CADPS: variants seen among roughly 807,000 people sequenced by gnomAD.
The protein encoded by CADPS is calcium dependent secretion activator.
A neutral mutation model predicts 167.3 loss-of-function variants in CADPS; 57 were observed. The observed-to-expected ratio is 0.34, with a 90% CI of 0.28 to 0.42. The LOEUF is 0.42. CADPS is among the 20% of genes least tolerant of loss of function. The pLI, the probability that CADPS is intolerant of heterozygous loss-of-function variation, is 1.00. For synonymous variants in CADPS, 676 were observed against 635.3 expected (o/e 1.06, Z -0.96); for missense variants, 1,414 against 1,738.1 (o/e 0.81, Z 3.32).
chr3:62,781,963 G>A (rs998108049), intron 1 of CADPS, among the ~76,000 whole-genome samples: 6 of 152,296 alleles, frequency 3.9e-5, no homozygotes, highest in Admixed American at 3.9e-4. Context: ...GTTCTAAGAA[G>A]CTTCTATGAA....
intron 8 of CADPS, among the ~76,000 whole-genome samples, chr3:62,573,133 C>T (rs1027597769): frequency 1.9e-4 from 29 of 152,134 alleles, no homozygotes; most frequent in African/African-American, 5.1e-4. Context: ...CTGGCTGCCT[C>T]GGCCTCCCAA....
chr3:62,554,813 C>A (rs949524558), intron 10 of CADPS, among the ~76,000 whole-genome samples: 1 of 152,182 alleles, frequency 6.6e-6, no homozygotes, highest in Non-Finnish European at 1.5e-5. Context: ...AGTGCAGTGG[C>A]GCAGTCTTGG....
intron 20 of CADPS, 115 bp downstream of exon 20, chr3:62,492,175 A>C: frequency 1.1e-6 from 1 of 885,596 alleles, no homozygotes; most frequent in East Asian, 2.4e-5. Context: ...GTTAATCATA[A>C]TAAAACCATG....
At chr3:62,846,757 G>C (rs548541160) in intron 1 of CADPS, among the ~76,000 whole-genome samples, 4 of 152,254 alleles carry the variant, frequency 2.6e-5, no homozygotes, top group African/African-American at 9.6e-5. Context: ...TCCACCTCCA[G>C]AGTTCGAGCA....
chr3:62,691,764 C>T (rs999196169), intron 3 of CADPS, among the ~76,000 whole-genome samples: 4 of 151,960 alleles, frequency 2.6e-5, no homozygotes, highest in Non-Finnish European at 2.9e-5. Flanking sequence ...GCAACACACA[C>T]TGGGGCCTGT....
At chr3:62,525,944 T>C (rs1394894672) in intron 13 of CADPS, among the ~76,000 whole-genome samples, 1 of 151,978 alleles carries the variant, frequency 6.6e-6, no homozygotes, top group Non-Finnish European at 1.5e-5. Context: ...TAAACTATGG[T>C]AGTGGCATTG....
At chr3:62,700,028 C>G (rs192373376) in intron 3 of CADPS, among the ~76,000 whole-genome samples, 3 of 152,222 alleles carry the variant, frequency 2.0e-5, no homozygotes, top group African/African-American at 7.2e-5. Flanking sequence ...TTGCCAACCC[C>G]TATTCTACAA....
At chr3:62,550,161 G>A (rs1324907842) in intron 10 of CADPS, 46 bp from the exon 11 acceptor site, 7 of 1,477,014 alleles carry the variant, frequency 4.7e-6, no homozygotes, top group Non-Finnish European at 6.6e-6. Context: ...GAGCTGTGAT[G>A]TTCTCAACTG....
intron 3 of CADPS, among the ~76,000 whole-genome samples, chr3:62,681,153 G>C (rs1432778924): frequency 6.6e-6 from 1 of 151,994 alleles, no homozygotes; most frequent in Non-Finnish European, 1.5e-5. Flanking sequence ...CCTCAGATGT[G>C]CTGTTGCCCT....
chr3:62,631,042 G>A (rs1329629337), intron 6 of CADPS, among the ~76,000 whole-genome samples: 4 of 151,762 alleles, frequency 2.6e-5, no homozygotes, highest in Non-Finnish European at 5.9e-5. Flanking sequence ...GACAATAAAA[G>A]CTGAAATGAA....
intron 1 of CADPS, among the ~76,000 whole-genome samples, chr3:62,825,016 C>T (rs953114276): frequency 3.3e-5 from 5 of 152,084 alleles, no homozygotes; most frequent in South Asian, 2.1e-4. Flanking sequence ...CCTAAATTTG[C>T]TTTATTTTGT....
chr3:62,633,223 C>G (rs1182882429), intron 6 of CADPS, among the ~76,000 whole-genome samples: 1 of 152,134 alleles, frequency 6.6e-6, no homozygotes, highest in African/African-American at 2.4e-5. Context: ...GTGTCTTGAA[C>G]CTGTCCCTCT....
intron 3 of CADPS, among the ~76,000 whole-genome samples, chr3:62,751,340 T>C (rs1001722889): frequency 1.2e-4 from 19 of 152,228 alleles, no homozygotes; most frequent in African/African-American, 4.6e-4. Flanking sequence ...TTTGCCCTAA[T>C]TTCTATTGAT....
intron 21 of CADPS, among the ~76,000 whole-genome samples, chr3:62,488,493 TTTATTA>T (rs956944791): frequency 2.0e-5 from 3 of 150,558 alleles, no homozygotes; most frequent in African/African-American, 7.4e-5. Context: ...TATTTATTTA[TTTATTA>T]TTATTATTTT....
At chr3:62,730,851 G>A (rs1468847580) in intron 3 of CADPS, among the ~76,000 whole-genome samples, 2 of 152,196 alleles carry the variant, frequency 1.3e-5, no homozygotes, top group South Asian at 2.1e-4. Flanking sequence ...AATGGAAGAG[G>A]AATTTGGCAT....
intron 16 of CADPS, 78 bp from the exon 17 acceptor site, chr3:62,512,846 A>G: frequency 8.1e-7 from 1 of 1,236,498 alleles, no homozygotes; most frequent in East Asian, 2.4e-5. Context: ...GAGCAAGTGG[A>G]CCAAAATGCC....
chr3:62,684,586 C>T lies in CADPS; in HGVS notation c.889-22192G>A, dbSNP rs531927483. Among the ~76,000 whole-genome samples, 10 of 152,092 alleles carry T rather than the reference C, an allele frequency of 6.6e-5. No homozygotes were observed. The South Asian group carries it at 1.5e-3, about 22-fold the overall frequency. On this transcript the variant is annotated intron_variant, in intron 3 of 29. Transcript: ENST00000383710. ...GGTTAGGGAGTTTAAGTGACTTGCC[C>T]GAGTAAAGGGCATACCCAAGATTCA... is the stretch of plus-strand genomic sequence containing the variant.
intron 20 of CADPS, among the ~76,000 whole-genome samples, chr3:62,491,948 AT>A (rs1017983409): frequency 4.0e-5 from 6 of 151,656 alleles, no homozygotes; most frequent in East Asian, 1.9e-4. Flanking sequence ...TCAGCTGGAA[AT>A]TTTTTTTTCA....
intron 1 of CADPS, among the ~76,000 whole-genome samples, chr3:62,849,455 A>G (rs2078118415): frequency 8.8e-6 from 1 of 113,794 alleles, no homozygotes; most frequent in South Asian, 3.1e-4. Context: ...CGTCCCATCA[A>G]TACCTAATTT....
Sources: gnomAD v4.1 joint callset for allele counts (sites outside exome capture counted in the v4.1 genomes callset) on GRCh38, gnomAD v4.1.1 for gene constraint, MANE v1.5 for transcripts, NCBI Gene and HGNC (gene_info 2026-07-23, HGNC 2026-07-21) for gene names.